ASTN1: variants seen among roughly 807,000 people sequenced by gnomAD.
ASTN1 encodes astrotactin 1.
Under a neutral mutation model 140.7 loss-of-function variants are expected in ASTN1, and 41 were observed. The observed-to-expected ratio is 0.29, with a 90% CI of 0.23 to 0.38. ASTN1 has a LOEUF of 0.38. Among genes scored for constraint, ASTN1 ranks in the 10% least tolerant of loss-of-function variants. ASTN1 has a pLI of 1.00. For synonymous variants in ASTN1, 640 were observed against 652.2 expected (o/e 0.98, Z 0.29); for missense variants, 1,479 against 1,678.8 (o/e 0.88, Z 2.08).
chr1:176,864,710 T>C (rs1332126678), intron 22 of ASTN1, among the ~76,000 whole-genome samples, 189 bp from the exon 23 acceptor site: 3 of 152,110 alleles, frequency 2.0e-5, no homozygotes, highest in African/African-American at 4.8e-5. Context: ...AATGAATAAA[T>C]GAATGAATGA....
intron 2 of ASTN1, among the ~76,000 whole-genome samples, chr1:177,044,283 T>C (rs1473507683): frequency 1.3e-5 from 2 of 151,858 alleles, no homozygotes; most frequent in Non-Finnish European, 2.9e-5. Flanking sequence ...CTGTCAGCCT[T>C]GTTTTTCTGT....
intron 21 of ASTN1, among the ~76,000 whole-genome samples, chr1:176,873,453 T>C (rs927147630): frequency 2.0e-5 from 3 of 152,202 alleles, no homozygotes; most frequent in Admixed American, 6.5e-5. Flanking sequence ...TAGTTTAGGA[T>C]AAATCTTCAC....
chr1:176,916,741 T>A (rs1322048287), intron 16 of ASTN1, among the ~76,000 whole-genome samples: 1 of 152,142 alleles, frequency 6.6e-6, no homozygotes, highest in Admixed American at 6.5e-5. Context: ...CATTTTCACA[T>A]CTCCCAAGCA....
chr1:177,141,126 G>A (rs148825650), intron 1 of ASTN1, among the ~76,000 whole-genome samples: 1 of 152,194 alleles, frequency 6.6e-6, no homozygotes, highest in Non-Finnish European at 1.5e-5. Context: ...TGAGGCAGGA[G>A]AATCGCTTGA....
At chr1:177,019,707 C>A (rs1569470) in intron 7 of ASTN1, among the ~76,000 whole-genome samples, 4 of 152,104 alleles carry the variant, frequency 2.6e-5, no homozygotes, top group African/African-American at 9.7e-5. Context: ...TAGCATGTTG[C>A]TAGAATAGAA....
chr1:176,940,522 C>T (rs2103101834), intron 14 of ASTN1, among the ~76,000 whole-genome samples: 1 of 152,362 alleles, frequency 6.6e-6, no homozygotes, highest in South Asian at 2.1e-4. Flanking sequence ...TCTCAACCGA[C>T]AGCCTCCAAT....
At chr1:177,122,224 T>C (rs1392839218) in intron 1 of ASTN1, among the ~76,000 whole-genome samples, 1 of 151,760 alleles carries the variant, frequency 6.6e-6, no homozygotes, top group Non-Finnish European at 1.5e-5. Flanking sequence ...GCCCAATGAG[T>C]TAATGTGGAA....
intron 16 of ASTN1, among the ~76,000 whole-genome samples, chr1:176,921,677 G>T (rs986712067): frequency 1.6e-4 from 24 of 152,108 alleles, no homozygotes; most frequent in African/African-American, 5.8e-4. Context: ...TTAATCACTT[G>T]GTTTTTATGT....
rs200187543 is a variant in ASTN1 at position 176,945,990 on chromosome 1, A to G, written c.2185T>C (p.Phe729Leu). 1.2e-6 allele frequency: 2 copies of G among 1,614,040 alleles called. No homozygotes were observed. The highest frequency in any genetic ancestry group is 3.3e-5 in the Admixed American group (2 of 60,022). The change falls in exon 13 of 23, where the codon TTC becomes CTC. Residue 729 changes from phenylalanine (F) to leucine (L), a missense_variant. By Grantham distance (22) the Phe-to-Leu change is conservative. This residue lies in a region of ASTN1 where 746 missense variants were observed against 800.9 expected (regional missense o/e 0.93). Transcript: ENST00000361833. The part of the protein sequence containing the change: ...PMNQTLFGEM[F>L]FGYNNHSKEV... ...TTGGAATGGTTGTTGTAACCAAAGA[A>G]CATCTCCCCAAAGAGGGTCTGGTTC...
intron 8 of ASTN1, chr1:176,976,683 G>C (rs1184048978): frequency 6.6e-6 from 1 of 152,206 alleles, no homozygotes; most frequent in Non-Finnish European, 1.5e-5. Context: ...AGTAACTACT[G>C]TCTTCCTCCC....
chr1:177,012,026 C>CA (rs1220903051), intron 8 of ASTN1, among the ~76,000 whole-genome samples: 3 of 152,070 alleles, frequency 2.0e-5, no homozygotes, highest in African/African-American at 7.2e-5. Flanking sequence ...TTAATGTACG[C>CA]AATACAAGAA....
At chr1:177,104,061 G>A (rs904436905) in intron 1 of ASTN1, among the ~76,000 whole-genome samples, 2 of 152,092 alleles carry the variant, frequency 1.3e-5, no homozygotes, top group Non-Finnish European at 2.9e-5. Context: ...GGCTAGGCTT[G>A]TGCTAGACAT....
chr1:176,867,458 GAAGAC>G (rs2103010689), intron 22 of ASTN1, among the ~76,000 whole-genome samples: 1 of 152,134 alleles, frequency 6.6e-6, no homozygotes, highest in African/African-American at 2.4e-5. Context: ...AGTATGAAGT[GAAGAC>G]AATATTTCTT....
chr1:177,021,414 G>A (rs992089612), intron 7 of ASTN1, among the ~76,000 whole-genome samples: 1 of 152,152 alleles, frequency 6.6e-6, no homozygotes, highest in Non-Finnish European at 1.5e-5. Context: ...GCAGCTTCCT[G>A]GCACATGGAA....
At chr1:176,951,124 C>G (rs985322231) in intron 11 of ASTN1, among the ~76,000 whole-genome samples, 1 of 152,236 alleles carries the variant, frequency 6.6e-6, no homozygotes, top group African/African-American at 2.4e-5. Flanking sequence ...CCCTTTCTCC[C>G]CATGAAGGCA....
At chr1:176,957,419 C>A (rs1354755799) in intron 11 of ASTN1, among the ~76,000 whole-genome samples, 1 of 152,002 alleles carries the variant, frequency 6.6e-6, no homozygotes, top group East Asian at 1.9e-4. Flanking sequence ...TACAATTAAG[C>A]AATTATTTAG....
At chr1:176,922,124 A>C (rs1670752351) in intron 16 of ASTN1, among the ~76,000 whole-genome samples, 1 of 152,218 alleles carries the variant, frequency 6.6e-6, no homozygotes, top group South Asian at 2.1e-4. Flanking sequence ...TGTTTCTCTA[A>C]AGCAGGATTG....
chr1:176,952,230 TTTTC>T (rs145018388), intron 11 of ASTN1, among the ~76,000 whole-genome samples: 18,361 of 151,988 alleles, frequency 0.12, 1,350 homozygotes, highest in Admixed American at 0.18. Flanking sequence ...CAGCCTAGTA[TTTTC>T]TTTCTTTCTT....
rs1459445006 is a variant in ASTN1, at chr1:176,863,076, C to T, written c.*1208G>A. 2 of 985,664 alleles carry T rather than the reference C, an allele frequency of 2.0e-6. No individual in the cohort carries two copies. Among genetic ancestry groups the T allele is most frequent in the Non-Finnish European group, 2.4e-6 (2 of 829,978 alleles). The allele number at this position is 985,664 out of a possible 1,614,324, so 61.1% of individuals were successfully genotyped here. A position where few individuals can be genotyped will look rare whatever the true frequency, so the allele number is the denominator to read the frequency against. ...GCCACCATTCATGACCATGCCAATG[C>T]TTGGGCAGTGGGATGGAAACAACAC... is the stretch of plus-strand genomic sequence containing the variant. On this transcript the variant is annotated 3_prime_UTR_variant, in exon 23 of 23. Transcript: ENST00000361833.
Sources: allele counts gnomAD v4.1 joint callset (sites outside exome capture counted in the v4.1 genomes callset), GRCh38; gene constraint gnomAD v4.1.1; regional missense constraint gnomAD v4.1.1; transcripts MANE v1.5; gene names NCBI Gene and HGNC (gene_info 2026-07-23, HGNC 2026-07-21).